Variants in DCC observed in about 807,000 individuals in gnomAD.
The protein encoded by DCC is netrin receptor DCC.
Under a neutral mutation model 172.5 loss-of-function variants are expected in DCC, and 58 were observed. The observed-to-expected ratio is 0.34, with a 90% CI of 0.27 to 0.42. The LOEUF (loss-of-function observed/expected upper bound fraction) is 0.42. DCC is among the 10% of genes least tolerant of loss of function. DCC has a pLI of 1.00. For synonymous variants in DCC, 709 were observed against 644.5 expected (o/e 1.10, Z -1.52); for missense variants, 1,740 against 1,791.0 (o/e 0.97, Z 0.51).
At chr18:52,409,858 A>T (rs1378998506) in intron 1 of DCC, among the ~76,000 whole-genome samples, 1 of 152,092 alleles carries the variant, frequency 6.6e-6, no homozygotes, top group East Asian at 1.9e-4. Flanking sequence ...AGTTGGAGAA[A>T]CTGAAAGTAA....
intron 2 of DCC, among the ~76,000 whole-genome samples, chr18:52,853,791 A>C (rs947943016): frequency 6.6e-6 from 1 of 152,258 alleles, no homozygotes; most frequent in Non-Finnish European, 1.5e-5. Flanking sequence ...AGATAACCCA[A>C]CATGCAAAAA....
At chr18:52,413,652 A>G (rs1292117493) in intron 1 of DCC, among the ~76,000 whole-genome samples, 2 of 152,100 alleles carry the variant, frequency 1.3e-5, no homozygotes, top group Non-Finnish European at 2.9e-5. Context: ...GTATTCTAAG[A>G]AAATTAGTAC....
intron 9 of DCC, among the ~76,000 whole-genome samples, chr18:53,200,281 A>T (rs981614697): frequency 4.6e-5 from 7 of 152,180 alleles, no homozygotes; most frequent in African/African-American, 1.2e-4. Context: ...ACATGTACCG[A>T]TTTTAGTTCA....
intron 1 of DCC, among the ~76,000 whole-genome samples, chr18:52,601,272 T>G (rs1379977248): frequency 6.6e-6 from 1 of 152,100 alleles, no homozygotes; most frequent in African/African-American, 2.4e-5. Context: ...GTCTTTATTA[T>G]CTAGTTTGTG....
chr18:52,971,714 A>G (rs1465623622), intron 5 of DCC, among the ~76,000 whole-genome samples: 1 of 152,146 alleles, frequency 6.6e-6, no homozygotes, highest in Non-Finnish European at 1.5e-5. Flanking sequence ...ATATCCCCTT[A>G]GAAATGACTC....
At position 53,274,770 on chromosome 18, in the gene DCC, A is replaced by G. The variant is rs572517362; in HGVS notation, c.1912-30808A>G. On this transcript the variant is annotated intron_variant, in intron 12 of 28. Transcript: ENST00000442544. ...TTTAAAGCAAGCTGTGTAGGCCCTT[A>G]TTGATCGAAGTGTGGTCTCTTGGCC... Among the ~76,000 whole-genome samples, 19 of 152,236 alleles carry G rather than the reference A, an allele frequency of 1.2e-4. No individual in the cohort carries two copies. The South Asian group carries it at 3.9e-3, about 32-fold the overall frequency.
intron 1 of DCC, among the ~76,000 whole-genome samples, chr18:52,381,574 A>C (rs551967791): frequency 1.3e-4 from 20 of 152,162 alleles, no homozygotes; most frequent in Admixed American, 9.8e-4. Context: ...ACTATACCCT[A>C]GTCCTGCCCT....
chr18:52,631,014 C>T (rs1240268150), intron 1 of DCC, among the ~76,000 whole-genome samples: 1 of 152,202 alleles, frequency 6.6e-6, no homozygotes, highest in Non-Finnish European at 1.5e-5. Context: ...TAGACTCTCA[C>T]AGCAAAACTT....
At position 53,298,577 on chromosome 18, in the gene DCC, A is replaced by T. The variant is rs976449708; in HGVS notation, c.1912-7001A>T. Among the ~76,000 whole-genome samples, 3 of 149,034 alleles carry T rather than the reference A, an allele frequency of 2.0e-5. No individual in the cohort carries two copies. In the East Asian group the frequency reaches 5.9e-4, roughly 29 times the overall value. ...AAAAAAGGCTTGCAGAAGGTCACTC[A>T]GCAAAGTCACAGCAAAACAATAATT... On this transcript the variant is annotated intron_variant, in intron 12 of 28. Transcript: ENST00000442544.
intron 2 of DCC, among the ~76,000 whole-genome samples, chr18:52,875,578 T>C (rs1010596859): frequency 1.4e-4 from 22 of 152,306 alleles, no homozygotes; most frequent in African/African-American, 5.3e-4. Flanking sequence ...TCAGGGATGC[T>C]ATAGCATAAA....
chr18:53,268,150 GATTAAT>G (rs982487742), intron 12 of DCC, among the ~76,000 whole-genome samples: 5 of 151,934 alleles, frequency 3.3e-5, no homozygotes, highest in African/African-American at 7.3e-5. Context: ...CCAAAAACAA[GATTAAT>G]ATTAAGTGTT....
At chr18:52,765,627 T>C (rs1259646848) in intron 2 of DCC, among the ~76,000 whole-genome samples, 1 of 150,652 alleles carries the variant, frequency 6.6e-6, no homozygotes, top group Non-Finnish European at 1.5e-5. Flanking sequence ...ACACTGTATC[T>C]TTACAAGGCT....
intron 24 of DCC, among the ~76,000 whole-genome samples, chr18:53,463,891 A>T (rs1345411868): frequency 6.6e-6 from 1 of 152,222 alleles, no homozygotes; most frequent in Non-Finnish European, 1.5e-5. Context: ...AAGAGAATTG[A>T]ATCAAGCAAT....
At chr18:52,534,815 C>A (rs2032244398) in intron 1 of DCC, among the ~76,000 whole-genome samples, 1 of 152,084 alleles carries the variant, frequency 6.6e-6, no homozygotes, top group South Asian at 2.1e-4. Flanking sequence ...AACATAATTT[C>A]TACTTAGCTT....
chr18:52,685,386 GAC>G (rs1348483375), intron 1 of DCC, among the ~76,000 whole-genome samples: 1 of 152,138 alleles, frequency 6.6e-6, no homozygotes, highest in Non-Finnish European at 1.5e-5. Flanking sequence ...TGGGTGGAAT[GAC>G]AGTCATATTG....
chr18:52,987,735 T>C (rs936579039), intron 5 of DCC, among the ~76,000 whole-genome samples: 7 of 152,176 alleles, frequency 4.6e-5, no homozygotes, highest in Non-Finnish European at 1.5e-5. Flanking sequence ...GCATGGAAAC[T>C]TAGAGCAATG....
At chr18:52,985,563 A>AT (rs1369399597) in intron 5 of DCC, among the ~76,000 whole-genome samples, 4 of 152,140 alleles carry the variant, frequency 2.6e-5, no homozygotes, top group Non-Finnish European at 5.9e-5. Flanking sequence ...ACTTAACCGC[A>AT]TAACAACCAC....
At chr18:53,208,229 C>T (rs917439986) in intron 11 of DCC, among the ~76,000 whole-genome samples, 3 of 150,958 alleles carry the variant, frequency 2.0e-5, no homozygotes, top group Non-Finnish European at 4.4e-5. Context: ...AAGCTGTGAT[C>T]GTTCTACTGC....
intron 2 of DCC, among the ~76,000 whole-genome samples, chr18:52,801,637 T>C (rs2037987444): frequency 6.6e-6 from 1 of 152,240 alleles, no homozygotes. Context: ...CAGTAAAGTA[T>C]ATTTTGAATC....
Sources: allele counts gnomAD v4.1 joint callset (sites outside exome capture counted in the v4.1 genomes callset), GRCh38; gene constraint gnomAD v4.1.1; transcripts MANE v1.5; gene names NCBI Gene and HGNC (gene_info 2026-07-23, HGNC 2026-07-21).